Variants in SORBS2 observed in about 807,000 individuals in gnomAD.
The protein encoded by SORBS2 is sorbin and SH3 domain containing 2.
SORBS2 carries 46 observed loss-of-function variants against 97.7 expected under a neutral mutation model. The observed-to-expected ratio is 0.47, with a 90% CI of 0.37 to 0.60. The LOEUF is 0.60. SORBS2 is among the 20% of genes least tolerant of loss of function. The pLI is 0.00. For missense variants in SORBS2, 1,316 were observed against 1,282.3 expected, an observed-to-expected ratio of 1.03 and a Z score of -0.40; for synonymous variants, 476 against 473.4, an observed-to-expected ratio of 1.01 and a Z score of -0.07.
chr4:185,637,609 C>T (rs1398075916), intron 4 of SORBS2, among the ~76,000 whole-genome samples: 3 of 152,136 alleles, frequency 2.0e-5, no homozygotes, highest in Non-Finnish European at 2.9e-5. Flanking sequence ...CCCCTCCAGT[C>T]CCCATTTTCT....
chr4:185,862,003 G>A (rs953726432), intron 1 of SORBS2, among the ~76,000 whole-genome samples: 2 of 152,196 alleles, frequency 1.3e-5, no homozygotes, highest in Non-Finnish European at 2.9e-5. Flanking sequence ...GAGAGATGAC[G>A]GTGGCATGAA....
rs534897495 is a variant in SORBS2 at position 185,603,683 on chromosome 4, T to C, written c.2796+8097A>G. Among the ~76,000 whole-genome samples, 3 of 152,370 alleles carry C rather than the reference T, an allele frequency of 2.0e-5. No homozygotes were observed. The East Asian group carries it at 5.8e-4, about 29-fold the overall frequency. On this transcript the variant is annotated intron_variant, in intron 12 of 14. Coordinates refer to ENST00000418609, the Ensembl canonical transcript of SORBS2. ...AAAGGAAAATGTTTTAGGATCATTC[T>C]GAACATAGAAGGAAAACATTTCAGT...
intron 4 of SORBS2, chr4:185,645,884 C>G (rs1269275402): frequency 3.3e-5 from 5 of 152,174 alleles, no homozygotes; most frequent in Non-Finnish European, 7.3e-5. Context: ...ATTGGGGAAT[C>G]AAAACCAAAG....
At chr4:185,624,033 T>G (rs750219914) in exon 7 of SORBS2, 1 of 1,614,170 alleles carries the variant, frequency 6.2e-7, no homozygotes, top group Non-Finnish European at 8.5e-7. Context: ...ATCAGGTCCT[T>G]GCGGTTGATG....
At chr4:185,930,961 C>A (rs2099266127) in intron 1 of SORBS2, among the ~76,000 whole-genome samples, 1 of 151,984 alleles carries the variant, frequency 6.6e-6, no homozygotes, top group Non-Finnish European at 1.5e-5. Context: ...ATATACCTAC[C>A]CTATTGAAAT....
At chr4:185,590,619 A>T (rs549326376) in intron 13 of SORBS2, among the ~76,000 whole-genome samples, 1 of 152,304 alleles carries the variant, frequency 6.6e-6, no homozygotes, top group African/African-American at 2.4e-5. Context: ...ATAGAATGCT[A>T]TCACTTTCCT....
chr4:185,733,621 G>T (rs1382340575), intron 2 of SORBS2, among the ~76,000 whole-genome samples: 2 of 152,196 alleles, frequency 1.3e-5, no homozygotes, highest in Non-Finnish European at 2.9e-5. Context: ...TCCTCTAGAA[G>T]AGGTAGACAC....
At chr4:185,759,236 T>C (rs1367880850) in intron 2 of SORBS2, among the ~76,000 whole-genome samples, 1 of 152,180 alleles carries the variant, frequency 6.6e-6, no homozygotes, top group Non-Finnish European at 1.5e-5. Flanking sequence ...CTTAAAGATA[T>C]GGAGTAGGCG....
At position 185,768,706 on chromosome 4, in the gene SORBS2, A is replaced by C. The variant is rs570876012; in HGVS notation, c.-198+6521T>G. 1.5e-3 allele frequency among the ~76,000 whole-genome samples: 154 copies of C among 103,850 alleles called. 2 individuals carry two copies. Among genetic ancestry groups the C allele is most frequent in the East Asian group, 2.9e-3 (13 of 4,418 alleles). 68.1% of individuals were successfully genotyped at this position (103,850 alleles called of 152,430 possible). A position where few individuals can be genotyped will look rare whatever the true frequency, so the allele number is the denominator to read the frequency against. ...AGAGTGAGACTCTGTCTCAAAAAAA[A>C]AAAAACAAAAAAACAAAAAAAAATG... On this transcript the variant is annotated intron_variant, in intron 2 of 20. Coordinates refer to the SORBS2 transcript ENST00000284776.
intron 1 of SORBS2, among the ~76,000 whole-genome samples, chr4:185,875,487 T>A (rs1431960549): frequency 6.6e-6 from 1 of 152,216 alleles, no homozygotes. Context: ...TGTAACTGAG[T>A]GAGTCTGCAT....
chr4:185,591,014 C>T (rs986440106), intron 13 of SORBS2, among the ~76,000 whole-genome samples: 4 of 152,036 alleles, frequency 2.6e-5, no homozygotes, highest in Non-Finnish European at 5.9e-5. Context: ...ACTACCGCTC[C>T]GGAACAAGAA....
At chr4:185,700,676 T>C (rs2098248110) in intron 2 of SORBS2, among the ~76,000 whole-genome samples, 1 of 152,140 alleles carries the variant, frequency 6.6e-6, no homozygotes, top group East Asian at 1.9e-4. Flanking sequence ...TGGTTCACAA[T>C]TGTCATCAGA....
chr4:185,646,865 A>G (rs2306708), intron 3 of SORBS2, 83 bp from the exon 13 acceptor site: 20,242 of 809,090 alleles, frequency 0.025, 1,086 homozygotes, highest in East Asian at 0.18. Context: ...TGTTTTCAAC[A>G]TTACTTTTAG....
intron 2 of SORBS2, among the ~76,000 whole-genome samples, chr4:185,761,960 T>C (rs548892343): frequency 1.6e-4 from 24 of 152,326 alleles, no homozygotes; most frequent in African/African-American, 5.8e-4. Context: ...AGAAGTTTGG[T>C]AGATGGGAAG....
chr4:185,723,855 ATAT>A (rs1391907209), intron 2 of SORBS2, among the ~76,000 whole-genome samples: 3 of 152,198 alleles, frequency 2.0e-5, no homozygotes, highest in Non-Finnish European at 4.4e-5. Flanking sequence ...GAACCTCAGT[ATAT>A]TAATCCATGG....
chr4:185,876,289 G>A (rs1307998284), intron 1 of SORBS2, among the ~76,000 whole-genome samples: 6 of 152,014 alleles, frequency 3.9e-5, no homozygotes, highest in Non-Finnish European at 5.9e-5. Context: ...TGTATTTTTA[G>A]TAGAGATGGA....
At chr4:185,709,302 A>ATTTTTTTTTTTTTTTTTTTT (rs1562045505) in intron 2 of SORBS2, among the ~76,000 whole-genome samples, 18 of 42,180 alleles carry the variant, frequency 4.3e-4, no homozygotes, top group Non-Finnish European at 8.2e-4. Context: ...TGCTGGCCAA[A>ATTTTTTTTTTTTTTTTTTTT]TCTTTTTTTT....
chr4:185,733,585 G>A (rs186779544), intron 2 of SORBS2, among the ~76,000 whole-genome samples: 8 of 152,278 alleles, frequency 5.3e-5, no homozygotes, highest in African/African-American at 1.7e-4. Context: ...CCTGGTCCCC[G>A]GTGAAGCATC....
At chr4:185,656,953 C>A in exon 1 of SORBS2, 1 of 1,138,650 alleles carries the variant, frequency 8.8e-7, no homozygotes, top group Non-Finnish European at 1.1e-6. Flanking sequence ...ATCATCTCAC[C>A]TCCCAACTCC....
Sources: allele counts gnomAD v4.1 joint callset (sites outside exome capture counted in the v4.1 genomes callset), GRCh38; gene constraint gnomAD v4.1.1; transcripts MANE v1.5; gene names NCBI Gene and HGNC (gene_info 2026-07-23, HGNC 2026-07-21).